Variants in MAP4K3 observed in about 807,000 individuals in gnomAD.
MAP4K3 encodes MAPK/ERK kinase kinase kinase 3.
MAP4K3 carries 94 observed loss-of-function variants against 143.5 expected under a neutral mutation model. That is an observed-to-expected ratio of 0.65 (90% CI 0.55 to 0.78). The LOEUF is 0.78. Among genes scored for constraint, MAP4K3 ranks in the 30% least tolerant of loss-of-function variants. The pLI is 0.00. For synonymous variants in MAP4K3, 416 were observed against 347.2 expected, an observed-to-expected ratio of 1.20 and a Z score of -2.20; for missense variants, 1,077 against 1,068.1, an observed-to-expected ratio of 1.01 and a Z score of -0.12.
intron 21 of MAP4K3, among the ~76,000 whole-genome samples, chr2:39,284,420 C>A (rs1266512615): frequency 6.6e-6 from 1 of 152,110 alleles, no homozygotes; most frequent in Non-Finnish European, 1.5e-5. Flanking sequence ...CTTGGCCTCC[C>A]AAAGTGTACG....
At chr2:39,331,337 C>A (rs1019792877) in intron 8 of MAP4K3, among the ~76,000 whole-genome samples, 1 of 151,994 alleles carries the variant, frequency 6.6e-6, no homozygotes, top group Non-Finnish European at 1.5e-5. Context: ...AATAAATATG[C>A]GAGTAGGATA....
In MAP4K3 at chr2:39,336,495, A is replaced by G. The variant is rs973079046; in HGVS notation, c.414+425T>C. On this transcript the variant is annotated intron_variant, in intron 6 of 33. Transcript: ENST00000263881. ...TCAAAAAAAAAAAAAAAAAAAAAAA[A>G]AAAAAAGACTATGAGAAAGTGTCAA... is the stretch of plus-strand genomic sequence containing the variant. Among the ~76,000 whole-genome samples, 1,475 of 149,890 alleles carry G rather than the reference A, an allele frequency of 9.8e-3. 14 individuals carry two copies. The highest frequency in any genetic ancestry group is 0.014 in the Non-Finnish European group (952 of 67,326).
intron 4 of MAP4K3, among the ~76,000 whole-genome samples, chr2:39,339,834 C>T (rs1161681261): frequency 6.6e-6 from 1 of 151,884 alleles, no homozygotes; most frequent in Non-Finnish European, 1.5e-5. Context: ...AAAACAAAAA[C>T]AAAACTCTGG....
chr2:39,428,537 G>A (rs548385993), intron 1 of MAP4K3, among the ~76,000 whole-genome samples: 12 of 151,874 alleles, frequency 7.9e-5, no homozygotes, highest in African/African-American at 2.7e-4. Context: ...TTAGCTGGGC[G>A]TGGTGACGGG....
chr2:39,263,155 G>T (rs1338299153), intron 28 of MAP4K3, among the ~76,000 whole-genome samples: 1 of 151,722 alleles, frequency 6.6e-6, no homozygotes, highest in Non-Finnish European at 1.5e-5. Context: ...GAGGAAACAA[G>T]AATATAGAAA....
At chr2:39,428,054 C>T (rs904164145) in intron 1 of MAP4K3, among the ~76,000 whole-genome samples, 1 of 152,144 alleles carries the variant, frequency 6.6e-6, no homozygotes, top group Non-Finnish European at 1.5e-5. Context: ...AGGAAGTCAA[C>T]TTATTTTTCC....
chr2:39,322,675 G>GTT (rs1209879285), intron 12 of MAP4K3, among the ~76,000 whole-genome samples: 2 of 133,520 alleles, frequency 1.5e-5, no homozygotes, highest in Non-Finnish European at 1.6e-5. Flanking sequence ...TCTATTTTTT[G>GTT]TTTTTTTTTT....
intron 16 of MAP4K3, among the ~76,000 whole-genome samples, chr2:39,297,181 G>A (rs1365055186): frequency 2.0e-5 from 3 of 151,398 alleles, no homozygotes; most frequent in Non-Finnish European, 4.4e-5. Flanking sequence ...GCAATGGCAC[G>A]ATCTCGGCTC....
intron 3 of MAP4K3, among the ~76,000 whole-genome samples, chr2:39,347,347 C>A (rs1334525854): frequency 6.6e-6 from 1 of 152,094 alleles, no homozygotes; most frequent in Non-Finnish European, 1.5e-5. Flanking sequence ...AGAACCATAG[C>A]TCTAAAATAT....
intron 7 of MAP4K3, 48 bp downstream of exon 7, chr2:39,333,484 A>G (rs747296134): frequency 5.0e-6 from 7 of 1,413,748 alleles, no homozygotes; most frequent in East Asian, 4.6e-5. Context: ...AAACTTTACT[A>G]TATCTTAGAA....
Position 39,343,456 on chromosome 2 carries a change from T to G in MAP4K3, c.246-4A>C, listed in dbSNP as rs758530963. ...GCAAATCCAAAGCTTATCTCGCCTA[T>G]AAAGAGAAAAGAAGCATGTATCATA... is the stretch of plus-strand genomic sequence containing the variant. On this transcript the variant is annotated splice_region_variant and splice_polypyrimidine_tract_variant and intron_variant, in intron 3 of 33. Transcript: ENST00000263881. 6.2e-7 allele frequency: 1 copy of G among 1,611,542 alleles called. No homozygotes were observed. Among genetic ancestry groups the G allele is most frequent in the South Asian group, 1.1e-5 (1 of 90,802 alleles).
At chr2:39,303,593 C>T (rs1306689266) in intron 15 of MAP4K3, among the ~76,000 whole-genome samples, 1 of 152,206 alleles carries the variant, frequency 6.6e-6, no homozygotes, top group African/African-American at 2.4e-5. Flanking sequence ...AGCTGGAGTG[C>T]AGTGGCACGA....
At chr2:39,258,038 T>A (rs1376684190) in intron 31 of MAP4K3, among the ~76,000 whole-genome samples, 1 of 151,986 alleles carries the variant, frequency 6.6e-6, no homozygotes, top group Non-Finnish European at 1.5e-5. Flanking sequence ...TTCAAGTGAT[T>A]CTCATGCCTC....
chr2:39,259,150 G>C (rs1032027921), intron 29 of MAP4K3, among the ~76,000 whole-genome samples: 2 of 151,474 alleles, frequency 1.3e-5, no homozygotes, highest in African/African-American at 4.9e-5. Context: ...ATGCCACCAT[G>C]TCTGGCTAAT....
intron 16 of MAP4K3, chr2:39,294,001 CCTTA>C (rs758472338): frequency 6.6e-6 from 1 of 152,124 alleles, no homozygotes; most frequent in Non-Finnish European, 1.5e-5. Context: ...CCTGAAGTTC[CCTTA>C]CTTCTTTTTA....
intron 13 of MAP4K3, among the ~76,000 whole-genome samples, chr2:39,313,386 A>G (rs1683004722): frequency 6.6e-6 from 1 of 151,970 alleles, no homozygotes; most frequent in Non-Finnish European, 1.5e-5. Flanking sequence ...CTTCACCCTC[A>G]AGCAGGCCCC....
intron 12 of MAP4K3, chr2:39,323,780 T>C (rs978898260): frequency 1.3e-5 from 2 of 151,952 alleles, no homozygotes; most frequent in Non-Finnish European, 2.9e-5. Context: ...AAAAAGTGCA[T>C]GAAAAGTTCA....
intron 1 of MAP4K3, among the ~76,000 whole-genome samples, chr2:39,415,980 A>AAAAAAAAATATAAATATATAT (rs1553318573): frequency 6.8e-5 from 1 of 14,756 alleles, no homozygotes. Context: ...AAAAAAAAAA[A>AAAAAAAAATATAAATATATAT]ATATATATAT....
intron 1 of MAP4K3, among the ~76,000 whole-genome samples, chr2:39,389,817 T>C (rs1006696876): frequency 6.6e-6 from 1 of 152,126 alleles, no homozygotes. Context: ...AAGTTTAAGA[T>C]GCAAGGAGTA....
Sources: allele counts gnomAD v4.1 joint callset (sites outside exome capture counted in the v4.1 genomes callset), GRCh38; gene constraint gnomAD v4.1.1; transcripts MANE v1.5; gene names NCBI Gene and HGNC (gene_info 2026-07-23, HGNC 2026-07-21).